Variants in IL1RAPL1 observed in about 807,000 individuals in gnomAD.
IL1RAPL1 encodes the protein interleukin-1 receptor accessory protein-like 1.
Under a neutral mutation model 48.4 loss-of-function variants are expected in IL1RAPL1, and 3 were observed. That is an observed-to-expected ratio of 0.06 (90% CI 0.03 to 0.16). The LOEUF is 0.16. Ranked by LOEUF, IL1RAPL1 falls within the 10% of genes least tolerant of loss-of-function variation. The pLI is 1.00. For synonymous variants in IL1RAPL1, 185 were observed against 187.7 expected, an observed-to-expected ratio of 0.99 and a Z score of 0.12; for missense variants, 349 against 530.6, an observed-to-expected ratio of 0.66 and a Z score of 3.36.
rs368254224 is a variant in IL1RAPL1, at chrX:29,386,572, C to T, written c.363-9686C>T. Among the ~76,000 whole-genome samples, 6 of 99,086 alleles carry T rather than the reference C, an allele frequency of 6.1e-5. No homozygotes were observed. In the East Asian group the frequency reaches 1.6e-3, roughly 26 times the overall value. 86.0% of individuals were successfully genotyped at this position (99,086 alleles called of 115,157 possible). On this transcript the variant is annotated intron_variant, in intron 3 of 10. Coordinates refer to ENST00000378993, the MANE Select transcript of IL1RAPL1 (RefSeq NM_014271.4). ...TTTTTTTTTTTTTTTGAGACAGGGTCTCATTCTTTCACCAGGCTGGAGGGC... is the reference window on the plus strand; with the variant it reads ...TTTTTTTTTTTTTTTGAGACAGGGTTTCATTCTTTCACCAGGCTGGAGGGC...
chrX:28,707,111 G>A lies in IL1RAPL1; in HGVS notation c.-24-82209G>A, dbSNP rs1165610050. ...ATATAGTGTGGCAGATGCTCTTGGT[G>A]CCCATCCACATGCCTTTGGCAGTGT... On this transcript the variant is annotated intron_variant, in intron 1 of 10. Coordinates refer to ENST00000378993, the MANE Select transcript of IL1RAPL1 (RefSeq NM_014271.4). Among the ~76,000 whole-genome samples the A allele has an allele frequency of 2.7e-5, 3 of 112,210 alleles. No homozygotes were observed. The East Asian group carries it at 8.4e-4, about 32-fold the overall frequency.
At chrX:29,711,189 CTT>C (rs397896336) in intron 6 of IL1RAPL1, among the ~76,000 whole-genome samples, 2 of 91,428 alleles carry the variant, frequency 2.2e-5, no homozygotes. Flanking sequence ...TTTTTCTTTT[CTT>C]TTTTTTTTTG....
At chrX:29,221,795 G>A (rs975835682) in intron 2 of IL1RAPL1, among the ~76,000 whole-genome samples, 55 of 109,867 alleles carry the variant, frequency 5.0e-4, no homozygotes, top group African/African-American at 1.8e-3. Flanking sequence ...GGCGGATCAC[G>A]AGGTCAGGAG....
intron 2 of IL1RAPL1, among the ~76,000 whole-genome samples, chrX:29,132,105 G>T (rs1236455883): frequency 9.0e-6 from 1 of 111,217 alleles, no homozygotes. Flanking sequence ...TTAACTCTAG[G>T]GTGCTGCCCT....
chrX:29,589,575 C>T (rs1050905412), intron 5 of IL1RAPL1, among the ~76,000 whole-genome samples: 4 of 111,597 alleles, frequency 3.6e-5, no homozygotes, highest in African/African-American at 1.3e-4. Context: ...TCATCACAGA[C>T]TTTTGTTACA....
chrX:28,588,205 TATGTG>T (rs1479259938), intron 1 of IL1RAPL1, among the ~76,000 whole-genome samples, 158 bp downstream of exon 1: 6,222 of 93,444 alleles, frequency 0.067, 221 homozygotes, highest in African/African-American at 0.13. Flanking sequence ...GGTGTGTTGA[TATGTG>T]TGTGTGTGTG....
intron 6 of IL1RAPL1, among the ~76,000 whole-genome samples, chrX:29,900,612 G>A (rs551017013): frequency 3.6e-5 from 4 of 112,042 alleles, no homozygotes; most frequent in South Asian, 7.4e-4. Flanking sequence ...CTTTTCTCTA[G>A]TTAAGCTAAG....
At chrX:28,806,494 T>C (rs774308049) in intron 2 of IL1RAPL1, among the ~76,000 whole-genome samples, 2 of 111,773 alleles carry the variant, frequency 1.8e-5, no homozygotes, top group Non-Finnish European at 3.8e-5. Flanking sequence ...CATGGAAGCG[T>C]GGCTGGAAGG....
At chrX:29,802,781 ATGTG>A (rs1262811121) in intron 6 of IL1RAPL1, among the ~76,000 whole-genome samples, 379 of 32,583 alleles carry the variant, frequency 0.012, 12 homozygotes, top group African/African-American at 0.043. Flanking sequence ...ATATATATAT[ATGTG>A]TGTGTGTATA....
At chrX:29,903,159 CGTGTGTGT>C (rs751071711) in intron 6 of IL1RAPL1, among the ~76,000 whole-genome samples, 1 of 99,695 alleles carries the variant, frequency 1.0e-5, no homozygotes, top group Non-Finnish European at 2.0e-5. Flanking sequence ...CATTTGTCTC[CGTGTGTGT>C]GTGTGTGTGT....
intron 5 of IL1RAPL1, among the ~76,000 whole-genome samples, chrX:29,660,801 C>T (rs1387694919): frequency 8.9e-6 from 1 of 111,975 alleles, no homozygotes; most frequent in Non-Finnish European, 1.9e-5. Context: ...ATTAGGATTG[C>T]TTTGGCTCCT....
chrX:29,187,619 A>C (rs1602102715), intron 2 of IL1RAPL1, among the ~76,000 whole-genome samples: 1 of 111,622 alleles, frequency 9.0e-6, no homozygotes, highest in East Asian at 2.8e-4. Flanking sequence ...TCACAATGCA[A>C]ACATCTTTTA....
At chrX:28,751,970 G>T (rs1315715749) in intron 1 of IL1RAPL1, among the ~76,000 whole-genome samples, 1 of 111,369 alleles carries the variant, frequency 9.0e-6, no homozygotes, top group African/African-American at 3.3e-5. Context: ...CTAAGCCAAA[G>T]TTTCTTAATA....
At chrX:29,877,795 G>T (rs1198780074) in intron 6 of IL1RAPL1, among the ~76,000 whole-genome samples, 1 of 111,659 alleles carries the variant, frequency 9.0e-6, no homozygotes, top group East Asian at 2.8e-4. Context: ...AATCAAAACT[G>T]TTTTAATAAT....
chrX:29,837,015 T>G (rs1260450299), intron 6 of IL1RAPL1, among the ~76,000 whole-genome samples: 1 of 108,768 alleles, frequency 9.2e-6, no homozygotes, highest in South Asian at 4.0e-4. Context: ...ATCCCAGCAC[T>G]TTGGGAGGCC....
intron 5 of IL1RAPL1, 48 bp from the exon 6 acceptor site, chrX:29,668,382 T>C: frequency 9.6e-7 from 1 of 1,042,778 alleles, no homozygotes. Context: ...TTTAGTTTTA[T>C]GCAGCATAAC....
chrX:29,886,084 T>C (rs1932157937), intron 6 of IL1RAPL1, among the ~76,000 whole-genome samples: 1 of 111,981 alleles, frequency 8.9e-6, no homozygotes, highest in African/African-American at 3.2e-5. Context: ...GAGTTCTAAA[T>C]AAAATTTGCA....
At chrX:29,335,759 G>A (rs1022681685) in intron 3 of IL1RAPL1, among the ~76,000 whole-genome samples, 2 of 111,567 alleles carry the variant, frequency 1.8e-5, no homozygotes, top group Admixed American at 9.5e-5. Flanking sequence ...ACGGAACAAA[G>A]GACAAGTACT....
chrX:29,275,749 T>C (rs184509319), intron 2 of IL1RAPL1, among the ~76,000 whole-genome samples: 1 of 112,079 alleles, frequency 8.9e-6, no homozygotes, highest in Admixed American at 9.5e-5. Flanking sequence ...CACTTATAGA[T>C]GATATCTTCA....
Sources: gnomAD v4.1 joint callset for allele counts (sites outside exome capture counted in the v4.1 genomes callset) on GRCh38, gnomAD v4.1.1 for gene constraint, MANE v1.5 for transcripts, NCBI Gene and HGNC (gene_info 2026-07-23, HGNC 2026-07-21) for gene names.